CCDC7: variants seen among roughly 807,000 people sequenced by gnomAD.
The protein encoded by CCDC7 is coiled-coil domain containing 7, also known as coiled-coil domain-containing protein 7.
Under a neutral mutation model 196.9 loss-of-function variants are expected in CCDC7, and 183 were observed. That is an observed-to-expected ratio of 0.93 (90% CI 0.82 to 1.05). CCDC7 has a LOEUF of 1.05. CCDC7 is among the 50% of genes least tolerant of loss of function. The pLI, the probability that CCDC7 is intolerant of heterozygous loss-of-function variation, is 0.00. For missense variants in CCDC7, 1,540 were observed against 1,482.2 expected, an observed-to-expected ratio of 1.04 and a Z score of -0.64; for synonymous variants, 525 against 484.6, an observed-to-expected ratio of 1.08 and a Z score of -1.10.
intron 18 of CCDC7, among the ~76,000 whole-genome samples, chr10:32,591,873 T>C (rs941811153): frequency 6.6e-6 from 1 of 152,196 alleles, no homozygotes; most frequent in Admixed American, 6.5e-5. Context: ...AGGTCTGGAA[T>C]TGGAGACCTC....
chr10:32,478,100 A>G (rs2039328917), intron 8 of CCDC7, among the ~76,000 whole-genome samples: 1 of 152,182 alleles, frequency 6.6e-6, no homozygotes, highest in Non-Finnish European at 1.5e-5. Context: ...CAGTGCTACT[A>G]TAAATGGTGT....
chr10:32,489,524 T>G (rs1305973413), intron 8 of CCDC7, among the ~76,000 whole-genome samples: 1 of 152,180 alleles, frequency 6.6e-6, no homozygotes, highest in Admixed American at 6.5e-5. Context: ...AAGGCTAGCA[T>G]GTAAAGCCAG....
chr10:32,627,913 G>C (rs1474951155), intron 18 of CCDC7, among the ~76,000 whole-genome samples: 2 of 151,884 alleles, frequency 1.3e-5, no homozygotes, highest in East Asian at 3.9e-4. Flanking sequence ...AATTTGGTTT[G>C]ATAGTATTTT....
At chr10:32,598,437 G>A (rs755811591) in intron 18 of CCDC7, among the ~76,000 whole-genome samples, 2 of 152,198 alleles carry the variant, frequency 1.3e-5, no homozygotes, top group Non-Finnish European at 2.9e-5. Flanking sequence ...GGAATTCCCT[G>A]ATCCCTTGAG....
intron 9 of CCDC7, among the ~76,000 whole-genome samples, chr10:32,500,474 A>G (rs1009770778): frequency 6.7e-6 from 1 of 149,338 alleles, no homozygotes; most frequent in Non-Finnish European, 1.5e-5. Context: ...GGTGCTCCCC[A>G]CATCCCAGAC....
At chr10:32,564,244 G>A (rs1003758875) in intron 13 of CCDC7, among the ~76,000 whole-genome samples, 10 of 152,128 alleles carry the variant, frequency 6.6e-5, no homozygotes, top group Non-Finnish European at 1.5e-4. Context: ...GCAGTGTGGC[G>A]ATTCCTCAGG....
At chr10:32,702,234 G>A (rs535616189) in intron 24 of CCDC7, among the ~76,000 whole-genome samples, 2 of 151,886 alleles carry the variant, frequency 1.3e-5, no homozygotes, top group African/African-American at 2.4e-5. Context: ...TGTTCTCGTT[G>A]GTTTCAAAGA....
intron 41 of CCDC7, among the ~76,000 whole-genome samples, chr10:32,869,324 A>G (rs540323974): frequency 2.6e-4 from 40 of 152,148 alleles, no homozygotes; most frequent in Middle Eastern, 3.4e-3. Context: ...GGCCAGTGAT[A>G]ATGAGCATTT....
intron 21 of CCDC7, among the ~76,000 whole-genome samples, chr10:32,670,853 T>G (rs1170718663): frequency 6.6e-6 from 1 of 152,086 alleles, no homozygotes; most frequent in African/African-American, 2.4e-5. Flanking sequence ...TTCTATAAAC[T>G]TTGGGTTTAG....
intron 18 of CCDC7, among the ~76,000 whole-genome samples, chr10:32,614,318 G>A (rs767549754): frequency 1.7e-4 from 24 of 144,504 alleles, no homozygotes; most frequent in Non-Finnish European, 2.5e-4. Flanking sequence ...TTTAGCCTAC[G>A]TGTGTCTTTG....
At chr10:32,739,314 GTTTAT>G (rs1565349083) in intron 28 of CCDC7, among the ~76,000 whole-genome samples, 1 of 151,536 alleles carries the variant, frequency 6.6e-6, no homozygotes, top group African/African-American at 2.4e-5. Context: ...TCGGTATTCT[GTTTAT>G]TTTATTATTT....
chr10:32,602,450 T>C (rs2061153253), intron 18 of CCDC7, among the ~76,000 whole-genome samples: 1 of 152,164 alleles, frequency 6.6e-6, no homozygotes, highest in African/African-American at 2.4e-5. Flanking sequence ...GTTCTCATAG[T>C]TTTTGCTTGT....
chr10:32,846,420 A>G (rs755534352), exon 37 of CCDC7: 12 of 1,601,570 alleles, frequency 7.5e-6, no homozygotes, highest in African/African-American at 5.4e-5. Flanking sequence ...AAGAGATATA[A>G]TAAAGGGACC....
At chr10:32,654,166 C>T (rs1038089136) in intron 20 of CCDC7, among the ~76,000 whole-genome samples, 14 of 152,166 alleles carry the variant, frequency 9.2e-5, no homozygotes, top group African/African-American at 2.4e-4. Context: ...TTGGTTACTT[C>T]GGGAAATTTA....
Position 32,779,750 on chromosome 10 carries a change from A to C in CCDC7, c.3013+666A>C, listed in dbSNP as rs573739436. Among the ~76,000 whole-genome samples, 15 of 152,364 alleles carry C rather than the reference A, an allele frequency of 9.8e-5. No homozygotes were observed. In the East Asian group the frequency reaches 2.3e-3, roughly 23 times the overall value. On this transcript the variant is annotated intron_variant, in intron 29 of 41. Transcript: ENST00000639629. ...TTGAAAAAAGTTAGAATAATCTATCAGAACCAACTTTGTGAGAGCTTCAGA... is the reference window on the plus strand; with the variant it reads ...TTGAAAAAAGTTAGAATAATCTATCCGAACCAACTTTGTGAGAGCTTCAGA...
At chr10:32,559,034 G>T (rs2947080) in intron 13 of CCDC7, among the ~76,000 whole-genome samples, 3 of 152,174 alleles carry the variant, frequency 2.0e-5, no homozygotes, top group East Asian at 1.9e-4. Context: ...ATGGCTTGGA[G>T]GGTCGTACGC....
intron 13 of CCDC7, among the ~76,000 whole-genome samples, chr10:32,555,169 A>T (rs542640105): frequency 6.6e-6 from 1 of 152,238 alleles, no homozygotes; most frequent in South Asian, 2.1e-4. Flanking sequence ...GAGTGCAGAT[A>T]TCTTTTTAAT....
intron 16 of CCDC7, chr10:32,574,561 A>G (rs1322723842): frequency 4.8e-6 from 6 of 1,260,402 alleles, no homozygotes; most frequent in Non-Finnish European, 5.2e-6. Context: ...TTTGCTCTTT[A>G]CAACATTTAT....
intron 16 of CCDC7, among the ~76,000 whole-genome samples, chr10:32,576,229 C>T (rs1454711766): frequency 6.6e-6 from 1 of 151,610 alleles, no homozygotes; most frequent in East Asian, 1.9e-4. Flanking sequence ...AGGATGTCTG[C>T]AGCACCATCT....
Sources: allele counts gnomAD v4.1 joint callset (sites outside exome capture counted in the v4.1 genomes callset), GRCh38; gene constraint gnomAD v4.1.1; transcripts MANE v1.5; gene names NCBI Gene and HGNC (gene_info 2026-07-23, HGNC 2026-07-21).